Variants in MN1 observed in about 807,000 individuals in gnomAD.
MN1 encodes transcriptional activator MN1.
In MN1, 19 loss-of-function variants were observed where a neutral mutation model predicts 86.9. That is an observed-to-expected ratio of 0.22 (90% CI 0.15 to 0.32). MN1 has a LOEUF of 0.32. Among genes scored for constraint, MN1 ranks in the 10% least tolerant of loss-of-function variants. MN1 has a pLI of 1.00. For synonymous variants in MN1, 928 were observed against 849.6 expected (o/e 1.09, Z -1.60); for missense variants, 1,841 against 1,862.0 (o/e 0.99, Z 0.21).
chr22:27,775,060 T>C (rs562205454), intron 1 of MN1, among the ~76,000 whole-genome samples: 15 of 152,208 alleles, frequency 9.9e-5, no homozygotes, highest in Non-Finnish European at 2.1e-4. Context: ...TCAGACCCAG[T>C]GGGCAGAAAG....
chr22:27,759,008 T>A (rs1159300356), intron 1 of MN1, among the ~76,000 whole-genome samples: 1 of 152,112 alleles, frequency 6.6e-6, no homozygotes, highest in Non-Finnish European at 1.5e-5. Flanking sequence ...GTATTTTTTT[T>A]ATACAGATGG....
At position 27,800,564 on chromosome 22, in the gene MN1, G is replaced by A; in HGVS notation, c.-21C>T. 6.2e-7 allele frequency: 1 copy of A among 1,613,606 alleles called. No individual in the cohort carries two copies. Among genetic ancestry groups the A allele is most frequent in the Non-Finnish European group, 8.5e-7 (1 of 1,180,002 alleles). The stretch of plus-strand genomic sequence containing the variant: ...AACATACTTGGCGGGGGGCAGAGGG[G>A]GATCAATAGGGCATGACAGCCGGCT... On this transcript the variant is annotated 5_prime_UTR_variant, in exon 1 of 2. Coordinates refer to ENST00000302326, the MANE Select transcript of MN1 (RefSeq NM_002430.3).
chr22:27,799,066 C>G lies in MN1; in HGVS notation c.1478G>C (p.Gly493Ala). 3 of 1,609,828 alleles carry G rather than the reference C, an allele frequency of 1.9e-6. No homozygotes were observed. The highest frequency in any genetic ancestry group is 2.5e-6 in the Non-Finnish European group (3 of 1,177,512). ...DNHLSPSAYP[G>A]LPGEFTPPVP... is the part of the protein sequence containing the mutation. The stretch of plus-strand genomic sequence containing the variant: ...AGGCGGTGTGAACTCGCCGGGTAGG[C>G]CTGGGTAGGCGGAAGGGGAGAGGTG... Residue 493 changes from glycine to alanine, a missense_variant, in exon 1 of 2, where the codon GGC becomes GCC. Physicochemically the swap from Gly to Ala is moderately conservative, Grantham distance 60. Transcript: ENST00000302326.
In MN1 at chr22:27,799,729, C is replaced by A; in HGVS notation, c.815G>T (p.Gly272Val). The change falls in exon 1 of 2, where the codon GGC (glycine) becomes GTC (valine). Residue 272 changes from glycine to valine, a missense_variant. Coordinates refer to ENST00000302326, the MANE Select transcript of MN1 (RefSeq NM_002430.3). ...CGCAGCTCTGGGCATGGCCGAGGCG[C>A]CCGGGAAAGCGCCCCCAGGAACCTG... ...GRQVPGGAFP[G>V]ASAMPRAAGM... 6.3e-7 allele frequency: 1 copy of A among 1,577,342 alleles called. No individual in the cohort carries two copies. Among genetic ancestry groups the A allele is most frequent in the South Asian group, 1.2e-5 (1 of 86,468 alleles).
intron 1 of MN1, among the ~76,000 whole-genome samples, chr22:27,785,856 T>C (rs991519082): frequency 6.6e-6 from 1 of 152,156 alleles, no homozygotes; most frequent in Admixed American, 6.5e-5. Flanking sequence ...ACTCCAGTTT[T>C]AAGGGTTAGA....
Position 27,798,356 on chromosome 22 carries a change from G to T in MN1, c.2188C>A (p.Pro730Thr), listed in dbSNP as rs1425598834. ...GACGTAGCAAAGTCCGGCGGCGGGG[G>T]CCGGCGCTCCGAAGCAGCGCTGGGG... The part of the protein sequence containing the change: ...GLPSAASERR[P>T]PPPDFATSAL... Residue 730 changes from proline to threonine, a missense_variant, in exon 1 of 2, where the codon CCC becomes ACC. Pro to Thr is a conservative substitution (Grantham distance 38, BLOSUM62 -1). Coordinates refer to ENST00000302326, the MANE Select transcript of MN1 (RefSeq NM_002430.3). 2 of 1,504,346 alleles carry T rather than the reference G, an allele frequency of 1.3e-6. No homozygotes were observed. Among genetic ancestry groups the T allele is most frequent in the Admixed American group, 2.2e-5 (1 of 45,460 alleles). 93.2% of individuals were successfully genotyped at this position (1,504,346 alleles called of 1,614,324 possible). A position where few individuals can be genotyped will look rare whatever the true frequency, so the allele number is the denominator to read the frequency against.
intron 1 of MN1, among the ~76,000 whole-genome samples, chr22:27,788,027 C>T (rs985728105): frequency 1.4e-4 from 22 of 152,344 alleles, no homozygotes; most frequent in South Asian, 6.2e-4. Flanking sequence ...TCCTTTGTGA[C>T]GGCCGACACC....
intron 1 of MN1, among the ~76,000 whole-genome samples, chr22:27,753,700 C>T (rs1280849322): frequency 1.3e-5 from 2 of 152,148 alleles, no homozygotes; most frequent in Non-Finnish European, 1.5e-5. Context: ...ATACCCCACC[C>T]AGGGCTTCCT....
rs1932728259 is a variant in MN1, at chr22:27,748,908, G to C, written c.*2007C>G. 1 of 229,612 alleles carries C rather than the reference G, an allele frequency of 4.4e-6. No individual in the cohort carries two copies. The highest frequency in any genetic ancestry group is 8.6e-6 in the Non-Finnish European group (1 of 115,808). 14.2% of individuals were successfully genotyped at this position (229,612 alleles called of 1,614,324 possible). On this transcript the variant is annotated 3_prime_UTR_variant, in exon 2 of 2. Coordinates refer to ENST00000302326, the MANE Select transcript of MN1 (RefSeq NM_002430.3). ...AAAATGATGAGGCTCTCAAACAGCT[G>C]TACACTGCAGAATCAGAGGGGTCAT...
intron 1 of MN1, among the ~76,000 whole-genome samples, chr22:27,781,791 G>T (rs1391655544): frequency 1.3e-5 from 2 of 152,110 alleles, no homozygotes; most frequent in Non-Finnish European, 2.9e-5. Context: ...TTCGATCCCA[G>T]GCTTGTCTGC....
At chr22:27,787,428 A>G (rs970128165) in intron 1 of MN1, among the ~76,000 whole-genome samples, 9 of 152,252 alleles carry the variant, frequency 5.9e-5, no homozygotes, top group African/African-American at 2.2e-4. Flanking sequence ...AAGGGAGGAA[A>G]GAAGAGACTC....
rs766589469 is a variant in MN1 at position 27,797,535 on chromosome 22, C to T, written c.3009G>A (p.Lys1003=). The change falls in exon 1 of 2, where the codon AAG becomes AAA. Residue 1003 remains lysine (K), a synonymous_variant. Coordinates refer to ENST00000302326, the MANE Select transcript of MN1 (RefSeq NM_002430.3). Reference sequence around the variant, plus strand: ...TCCCCCAGGATGGCGACGTGAGCGCCTTTTCGTGGGGCGTCGGTGCCCCGC... The same window carrying T: ...TCCCCCAGGATGGCGACGTGAGCGCTTTTTCGTGGGGCGTCGGTGCCCCGC... The part of the protein sequence containing the change: ...ETRGAPTPHE[K]ALTSPSWGKG... The T allele has an allele frequency of 6.8e-6, 11 of 1,608,532 alleles. No individual in the cohort carries two copies. In the Admixed American group the frequency reaches 1.7e-4, roughly 24 times the overall value.
chr22:27,761,404 C>T (rs1269013427), intron 1 of MN1, among the ~76,000 whole-genome samples: 1 of 149,870 alleles, frequency 6.7e-6, no homozygotes, highest in Non-Finnish European at 1.5e-5. Flanking sequence ...CTCTTTCTCT[C>T]TCTCTCTCTC....
Position 27,800,637 on chromosome 22 carries a change from GCGCTCCGGGA to G in MN1, c.-104_-95del. 1 of 1,578,806 alleles carries G rather than the reference GCGCTCCGGGA, an allele frequency of 6.3e-7. No individual in the cohort carries two copies. Among genetic ancestry groups the G allele is most frequent in the Non-Finnish European group, 8.6e-7 (1 of 1,167,134 alleles). ...GCTACTCGTTCCAGCCCAGGATTGG[GCGCTCCGGGA>G]CGCTCAGCACCGCGGGGGCTCAGCG... On this transcript the variant is annotated 5_prime_UTR_variant, in exon 1 of 2. Transcript: ENST00000302326.
At chr22:27,785,601 G>A (rs1933120197) in intron 1 of MN1, among the ~76,000 whole-genome samples, 1 of 152,170 alleles carries the variant, frequency 6.6e-6, no homozygotes, top group South Asian at 2.1e-4. Context: ...GATGGGCACC[G>A]AGCGTGGGGG....
At chr22:27,776,577 C>A (rs947838805) in intron 1 of MN1, among the ~76,000 whole-genome samples, 1 of 152,164 alleles carries the variant, frequency 6.6e-6, no homozygotes. Flanking sequence ...CCGGTCACCT[C>A]GGCTTGGCTG....
At chr22:27,760,800 A>T (rs2014274) in intron 1 of MN1, among the ~76,000 whole-genome samples, 1 of 152,082 alleles carries the variant, frequency 6.6e-6, no homozygotes, top group African/African-American at 2.4e-5. Flanking sequence ...ACTTCCATCA[A>T]TAGTGTCACC....
chr22:27,781,348 T>C (rs550713379), intron 1 of MN1, among the ~76,000 whole-genome samples: 8 of 152,312 alleles, frequency 5.3e-5, no homozygotes, highest in East Asian at 1.9e-4. Flanking sequence ...CTGTGCATTG[T>C]AGGACATTGA....
In MN1 at chr22:27,798,612, G is replaced by C. The variant is rs1933356721; in HGVS notation, c.1932C>G (p.Pro644=). Residue 644 remains proline, a synonymous_variant, in exon 1 of 2, where the codon CCC becomes CCG. Transcript: ENST00000302326. ...GPHPPPGDLL[P]RRMGGSGLPA... ...GCAGACCCGAGCCGCCCATCCTACG[G>C]GGCAGCAGGTCTCCGGGCGGCGGAT... 6.4e-7 allele frequency: 1 copy of C among 1,561,870 alleles called. No individual in the cohort carries two copies. Among genetic ancestry groups the C allele is most frequent in the Non-Finnish European group, 8.6e-7 (1 of 1,162,700 alleles).
Sources: gnomAD v4.1 joint callset for allele counts (sites outside exome capture counted in the v4.1 genomes callset) on GRCh38, gnomAD v4.1.1 for gene constraint, MANE v1.5 for transcripts, NCBI Gene and HGNC (gene_info 2026-07-23, HGNC 2026-07-21) for gene names.